Variants in REEP3 observed in about 807,000 individuals in gnomAD.
The protein encoded by REEP3 is receptor accessory protein 3, also known as receptor expression-enhancing protein 3.
A neutral mutation model predicts 41.3 loss-of-function variants in REEP3; 20 were observed. That is an observed-to-expected ratio of 0.48 (90% CI 0.34 to 0.70). The LOEUF (loss-of-function observed/expected upper bound fraction) is 0.70. Ranked by LOEUF, REEP3 falls within the 30% of genes least tolerant of loss-of-function variation. The pLI is 0.01. For missense variants in REEP3, 271 were observed against 308.8 expected (o/e 0.88, Z 0.92); for synonymous variants, 104 against 101.8 (o/e 1.02, Z -0.13).
chr10:63,598,142 A>C lies in REEP3; in HGVS notation c.301A>C (p.Arg101=). 6.4e-7 allele frequency: 1 copy of C among 1,574,322 alleles called. No individual in the cohort carries two copies. Among genetic ancestry groups the C allele is most frequent in the East Asian group, 2.2e-5 (1 of 44,558 alleles). The part of the protein sequence containing the change: ...FLHPLLSSKE[R]EIDDYIVQAK... The stretch of plus-strand genomic sequence containing the variant: ...TCATCCACTTCTTTCTTCAAAGGAA[A>C]GGGTAAGATATATAAATTACTTCCG... Residue 101 remains arginine, a splice_region_variant and synonymous_variant, in exon 4 of 8, where the codon AGG becomes CGG. Coordinates refer to ENST00000373758, the MANE Select transcript of REEP3 (RefSeq NM_001001330.3).
At chr10:63,620,035 C>CA (rs1956341991) in intron 7 of REEP3, among the ~76,000 whole-genome samples, 1 of 150,160 alleles carries the variant, frequency 6.7e-6, no homozygotes, top group Admixed American at 6.7e-5. Context: ...TGGGCTCAAG[C>CA]AGTCCTCCCA....
At chr10:63,540,679 AATTT>A (rs1955520111) in intron 1 of REEP3, among the ~76,000 whole-genome samples, 1 of 152,114 alleles carries the variant, frequency 6.6e-6, no homozygotes, top group Admixed American at 6.6e-5. Flanking sequence ...GGTTAAGTAC[AATTT>A]ATTTATTCCT....
intron 1 of REEP3, among the ~76,000 whole-genome samples, chr10:63,528,584 T>C (rs1955388580): frequency 6.6e-6 from 1 of 152,160 alleles, no homozygotes; most frequent in Non-Finnish European, 1.5e-5. Flanking sequence ...ACTCGTCTGC[T>C]CACAACCCTC....
intron 1 of REEP3, among the ~76,000 whole-genome samples, chr10:63,538,676 G>A (rs890072280): frequency 6.6e-6 from 1 of 152,166 alleles, no homozygotes; most frequent in East Asian, 1.9e-4. Context: ...AGAGGTTGCC[G>A]TGAGCCAAGA....
chr10:63,602,157 A>G (rs1008862619), intron 5 of REEP3, among the ~76,000 whole-genome samples: 14 of 152,178 alleles, frequency 9.2e-5, no homozygotes, highest in African/African-American at 3.4e-4. Context: ...AAAAAGTTAC[A>G]TAAGAAATGA....
intron 6 of REEP3, among the ~76,000 whole-genome samples, chr10:63,614,292 G>T (rs1231089214): frequency 6.6e-6 from 1 of 152,118 alleles, no homozygotes; most frequent in East Asian, 1.9e-4. Flanking sequence ...ATCTATTGCT[G>T]CATAATAAGC....
chr10:63,620,865 T>C lies in REEP3; in HGVS notation c.764T>C (p.Phe255Ser). 1 of 1,602,852 alleles carries C rather than the reference T, an allele frequency of 6.2e-7. No homozygotes were observed. The highest frequency in any genetic ancestry group is 2.2e-5 in the East Asian group (1 of 44,694). The change falls in exon 8 of 8, where the codon TTT becomes TCT. Residue 255 changes from phenylalanine to serine, a missense_variant. Phe to Ser is a radical substitution (Grantham distance 155). Transcript: ENST00000373758. ...GTGAAGAAACGACCACAAGTGTATT[T>C]TTAGTCATCTACACGTCAAATATCC... ...YKVKKRPQVY[F>S]
intron 2 of REEP3, among the ~76,000 whole-genome samples, chr10:63,570,316 T>C (rs1220743292): frequency 6.6e-6 from 1 of 152,258 alleles, no homozygotes; most frequent in Admixed American, 6.5e-5. Context: ...GATATATGTA[T>C]ATGTGTGTAT....
intron 6 of REEP3, among the ~76,000 whole-genome samples, chr10:63,611,244 T>C (rs1410255941): frequency 9.9e-5 from 15 of 152,200 alleles, no homozygotes; most frequent in Admixed American, 9.8e-4. Context: ...ACTCGAACTG[T>C]GCACTGACAT....
At chr10:63,561,895 T>C (rs1356361544) in intron 1 of REEP3, among the ~76,000 whole-genome samples, 1 of 152,180 alleles carries the variant, frequency 6.6e-6, no homozygotes, top group East Asian at 1.9e-4. Context: ...GATACTAGAT[T>C]GTATGAGAAT....
At chr10:63,526,871 G>A (rs1955369505) in intron 1 of REEP3, among the ~76,000 whole-genome samples, 1 of 152,022 alleles carries the variant, frequency 6.6e-6, no homozygotes, top group Admixed American at 6.6e-5. Context: ...TGCATAGAGA[G>A]TTTATAGTTT....
At chr10:63,529,141 A>G (rs887324062) in intron 1 of REEP3, among the ~76,000 whole-genome samples, 1 of 152,194 alleles carries the variant, frequency 6.6e-6, no homozygotes, top group Non-Finnish European at 1.5e-5. Flanking sequence ...CCTCCTCCAG[A>G]GCTTATTTCA....
intron 1 of REEP3, among the ~76,000 whole-genome samples, chr10:63,530,851 A>C (rs934383155): frequency 2.0e-5 from 3 of 152,218 alleles, no homozygotes; most frequent in African/African-American, 4.8e-5. Flanking sequence ...TCATGGAAAA[A>C]GGTTACTGTT....
intron 3 of REEP3, among the ~76,000 whole-genome samples, chr10:63,596,222 G>A (rs1956112913): frequency 6.6e-6 from 1 of 151,940 alleles, no homozygotes; most frequent in South Asian, 2.1e-4. Flanking sequence ...TTCCCTTCCT[G>A]TGCCCCAAAG....
chr10:63,540,352 C>T (rs1955517673), intron 1 of REEP3, among the ~76,000 whole-genome samples: 1 of 152,198 alleles, frequency 6.6e-6, no homozygotes, highest in South Asian at 2.1e-4. Flanking sequence ...TAGCAATACA[C>T]ATTTAAGCTG....
chr10:63,595,971 CT>C (rs1358558525), intron 3 of REEP3, among the ~76,000 whole-genome samples: 1 of 152,204 alleles, frequency 6.6e-6, no homozygotes, highest in Non-Finnish European at 1.5e-5. Flanking sequence ...GAACCTCATT[CT>C]TTTTACTTGC....
intron 6 of REEP3, among the ~76,000 whole-genome samples, chr10:63,615,599 G>A (rs1342367892): frequency 6.6e-6 from 1 of 150,434 alleles, no homozygotes; most frequent in Non-Finnish European, 1.5e-5. Flanking sequence ...AGGCTGGAGT[G>A]CAGTGGCGCG....
intron 1 of REEP3, among the ~76,000 whole-genome samples, chr10:63,547,300 T>G (rs547462802): frequency 6.6e-6 from 1 of 152,256 alleles, no homozygotes; most frequent in East Asian, 1.9e-4. Context: ...AAAAGGCTGA[T>G]AATGACAAAT....
chr10:63,615,304 T>G (rs2078539915), intron 6 of REEP3, among the ~76,000 whole-genome samples: 1 of 152,112 alleles, frequency 6.6e-6, no homozygotes, highest in Non-Finnish European at 1.5e-5. Flanking sequence ...GGTATTCATT[T>G]TCGGGTTTTA....
Sources: gnomAD v4.1 joint callset for allele counts (sites outside exome capture counted in the v4.1 genomes callset) on GRCh38, gnomAD v4.1.1 for gene constraint, MANE v1.5 for transcripts, NCBI Gene and HGNC (gene_info 2026-07-23, HGNC 2026-07-21) for gene names.